Variants in RNPC3 observed in about 807,000 individuals in gnomAD.
RNPC3 encodes the protein RNA-binding region-containing protein 3.
Under a neutral mutation model 67.5 loss-of-function variants are expected in RNPC3, and 48 were observed. That is an observed-to-expected ratio of 0.71 (90% CI 0.56 to 0.90). RNPC3 has a LOEUF of 0.90. Among genes scored for constraint, RNPC3 ranks in the 40% least tolerant of loss-of-function variants. The probability of loss-of-function intolerance (pLI) is 0.00; values close to 1 mark genes in which losing one functional copy is unlikely to be tolerated. For synonymous variants in RNPC3, 239 were observed against 210.3 expected (o/e 1.14, Z -1.18); for missense variants, 637 against 626.1 (o/e 1.02, Z -0.19).
At chr1:103,544,320 C>T (rs1043412406) in intron 9 of RNPC3, among the ~76,000 whole-genome samples, 17 of 151,864 alleles carry the variant, frequency 1.1e-4, no homozygotes, top group Non-Finnish European at 1.5e-4. Context: ...TGTTATCTAG[C>T]GGCCTCCATG....
chr1:103,535,307 C>T lies in RNPC3; in HGVS notation c.444-23C>T, dbSNP rs767321158. ...TATGAAATTATGAAAACATAAGCAT[C>T]TTAAATGTTTTTTGTTTTATAGGCT... is the stretch of plus-strand genomic sequence containing the variant. On this transcript the variant is annotated intron_variant, in intron 4 of 14. Coordinates refer to ENST00000423855, the MANE Select transcript of RNPC3 (RefSeq NM_017619.4). The T allele has an allele frequency of 7.2e-5, 104 of 1,438,070 alleles. 2 individuals carry two copies. In the Middle Eastern group the frequency reaches 8.6e-4, roughly 12 times the overall value. The allele number at this position is 1,438,070 out of a possible 1,614,324, so 89.1% of individuals were successfully genotyped here. A position where few individuals can be genotyped will look rare whatever the true frequency, so the allele number is the denominator to read the frequency against.
rs1405582058 is a variant in RNPC3 at position 103,534,700 on chromosome 1, G to T, written c.360-74G>T. 7 of 725,202 alleles carry T rather than the reference G, an allele frequency of 9.7e-6. No homozygotes were observed. The East Asian group carries it at 1.6e-4, about 17-fold the overall frequency. 44.9% of individuals were successfully genotyped at this position (725,202 alleles called of 1,614,324 possible). On this transcript the variant is annotated intron_variant, in intron 3 of 14. Coordinates refer to ENST00000423855, the MANE Select transcript of RNPC3 (RefSeq NM_017619.4). ...TTTTTATAATGACATGTTTGAAAAG[G>T]TAATTTATCTTTTCTGTGTGCAGTT...
At chr1:103,552,037 A>T in intron 14 of RNPC3, 1 of 289,552 alleles carries the variant, frequency 3.5e-6, no homozygotes, top group Non-Finnish European at 6.3e-6. Flanking sequence ...TCTTTTTTTA[A>T]CTTTTTCTGC....
chr1:103,538,472 AC>A (rs1179061064), intron 7 of RNPC3, among the ~76,000 whole-genome samples: 1 of 152,194 alleles, frequency 6.6e-6, no homozygotes, highest in Non-Finnish European at 1.5e-5. Context: ...GGCCAGAGTT[AC>A]GATAGTATTG....
chr1:103,544,915 G>A, intron 9 of RNPC3, 26 bp from the exon 10 acceptor site: 2 of 1,446,048 alleles, frequency 1.4e-6, no homozygotes, highest in Non-Finnish European at 1.8e-6. Flanking sequence ...GATTCTTAAT[G>A]GTTAATGTTA....
In RNPC3 at chr1:103,525,869, G is replaced by A. The variant is rs1650684838; in HGVS notation, c.-202G>A. 3.7e-6 allele frequency: 2 copies of A among 543,402 alleles called. No individual in the cohort carries two copies. The highest frequency in any genetic ancestry group is 3.4e-5 in the Admixed American group (1 of 29,802). The allele number at this position is 543,402 out of a possible 1,614,324, so 33.7% of individuals were successfully genotyped here. On this transcript the variant is annotated 5_prime_UTR_variant, in exon 1 of 15. Transcript: ENST00000423855. ...CTGGAATTTAAATCATTAGCACCGC[G>A]CCCTTCCCCGAAGAGTCTTCGAAGG... is the stretch of plus-strand genomic sequence containing the variant.
In RNPC3 at chr1:103,526,043, G is replaced by C. The variant is rs1007799108; in HGVS notation, c.-28G>C. On this transcript the variant is annotated 5_prime_UTR_variant, in exon 1 of 15. Coordinates refer to ENST00000423855, the MANE Select transcript of RNPC3 (RefSeq NM_017619.4). ...GATTTTGACTGAGACTTCTTCCCACGATTTCTGTTTTTGCTTCTCCAAGGA... is the reference window on the plus strand; with the variant it reads ...GATTTTGACTGAGACTTCTTCCCACCATTTCTGTTTTTGCTTCTCCAAGGA... 1 of 1,486,190 alleles carries C rather than the reference G, an allele frequency of 6.7e-7. No individual in the cohort carries two copies. 92.1% of individuals were successfully genotyped at this position (1,486,190 alleles called of 1,614,324 possible).
At position 103,533,783 on chromosome 1, in the gene RNPC3, A is replaced by C. The variant is rs1650919993; in HGVS notation, c.285A>C (p.Leu95Phe). Reference sequence around the variant, plus strand: ...AACTGAAACTTTTAGGTCATACTTTAGTCGTTGAATTTGCAAAAGAGCAAG... The same window carrying C: ...AACTGAAACTTTTAGGTCATACTTTCGTCGTTGAATTTGCAAAAGAGCAAG... Reference protein sequence around the residue: ...LHQLKLLGHTLVVEFAKEQDR... With the variant: ...LHQLKLLGHTFVVEFAKEQDR... The change falls in exon 3 of 15, where the codon TTA becomes TTC. Residue 95 changes from leucine (L) to phenylalanine (F), a missense_variant. This residue lies in a region of RNPC3 where 536 missense variants were observed against 500.3 expected (regional missense o/e 1.07). Coordinates refer to ENST00000423855, the MANE Select transcript of RNPC3 (RefSeq NM_017619.4). The C allele has an allele frequency of 3.3e-6, 5 of 1,535,124 alleles. No homozygotes were observed. Among genetic ancestry groups the C allele is most frequent in the Admixed American group, 2.0e-5 (1 of 50,942 alleles).
rs377300795 is a variant in RNPC3 at position 103,530,129 on chromosome 1, T to C, written c.240+2387T>C. On this transcript the variant is annotated intron_variant, in intron 2 of 14. Transcript: ENST00000423855. Reference sequence around the variant, plus strand: ...TCTCTGGTTAAGGCTTGTACTTTCATGTGTTCAAAAATATTAAGTACCTAC... The same window carrying C: ...TCTCTGGTTAAGGCTTGTACTTTCACGTGTTCAAAAATATTAAGTACCTAC... Among the ~76,000 whole-genome samples, 8 of 146,594 alleles carry C rather than the reference T, an allele frequency of 5.5e-5. 1 individual carries two copies. In the East Asian group the frequency reaches 1.4e-3, roughly 26 times the overall value.
At chr1:103,527,394 T>A (rs1650745854) in intron 1 of RNPC3, among the ~76,000 whole-genome samples, 1 of 152,220 alleles carries the variant, frequency 6.6e-6, no homozygotes, top group Admixed American at 6.5e-5. Context: ...AAATTTTTAG[T>A]TGGTTAAAAG....
chr1:103,551,195 C>A, intron 13 of RNPC3, 122 bp downstream of exon 13: 1 of 797,576 alleles, frequency 1.3e-6, no homozygotes, highest in Non-Finnish European at 1.9e-6. Context: ...GATATTCATT[C>A]GTTACAATTA....
intron 8 of RNPC3, among the ~76,000 whole-genome samples, chr1:103,542,983 T>C (rs988296288): frequency 6.6e-6 from 1 of 151,760 alleles, no homozygotes; most frequent in Non-Finnish European, 1.5e-5. Context: ...TGCATATTAA[T>C]AAATATCCTG....
At chr1:103,538,370 C>T (rs1480380407) in intron 7 of RNPC3, among the ~76,000 whole-genome samples, 1 of 152,058 alleles carries the variant, frequency 6.6e-6, no homozygotes, top group Non-Finnish European at 1.5e-5. Flanking sequence ...TTTAAAATGG[C>T]CCTTGAGCAT....
At chr1:103,534,489 A>G (rs1650935746) in intron 3 of RNPC3, among the ~76,000 whole-genome samples, 1 of 152,108 alleles carries the variant, frequency 6.6e-6, no homozygotes, top group Non-Finnish European at 1.5e-5. Flanking sequence ...ATTTTTGTTC[A>G]GTGACAATTA....
At chr1:103,537,567 G>A (rs912602610) in intron 7 of RNPC3, 83 bp downstream of exon 7, 16 of 1,152,748 alleles carry the variant, frequency 1.4e-5, no homozygotes, top group Middle Eastern at 2.4e-4. Flanking sequence ...GATTTTGTGT[G>A]TATAATACTT....
At chr1:103,548,777 G>T (rs1651310735) in intron 12 of RNPC3, among the ~76,000 whole-genome samples, 1 of 152,104 alleles carries the variant, frequency 6.6e-6, no homozygotes, top group African/African-American at 2.4e-5. Context: ...GTATTAGTCT[G>T]TTTTCACTCT....
chr1:103,548,012 T>C (rs1651287978), intron 12 of RNPC3, among the ~76,000 whole-genome samples: 1 of 152,150 alleles, frequency 6.6e-6, no homozygotes, highest in Non-Finnish European at 1.5e-5. Context: ...CCAAGCTCTT[T>C]GTTGGCCCTT....
At chr1:103,552,188 T>C (rs74109122) in intron 14 of RNPC3, 2,383 of 153,144 alleles carry the variant, frequency 0.016, 64 homozygotes, top group African/African-American at 0.055. Flanking sequence ...GGAAACTGTT[T>C]ATACCAGTTT....
At chr1:103,550,060 G>C (rs953118361) in intron 12 of RNPC3, among the ~76,000 whole-genome samples, 1 of 151,706 alleles carries the variant, frequency 6.6e-6, no homozygotes, top group Non-Finnish European at 1.5e-5. Flanking sequence ...GCTACCCGGG[G>C]GGCTGAGGCA....
Sources: gnomAD v4.1 joint callset for allele counts (sites outside exome capture counted in the v4.1 genomes callset) on GRCh38, gnomAD v4.1.1 for gene constraint, gnomAD v4.1.1 regional missense constraint, MANE v1.5 for transcripts, NCBI Gene and HGNC (gene_info 2026-07-23, HGNC 2026-07-21) for gene names.